Variants in SNX5 observed in about 807,000 individuals in gnomAD.
SNX5 encodes the protein sorting nexin-5.
SNX5 carries 31 observed loss-of-function variants against 53.9 expected under a neutral mutation model. That is an observed-to-expected ratio of 0.58 (90% CI 0.43 to 0.78). The LOEUF is 0.78. SNX5 is among the 30% of genes least tolerant of loss of function. SNX5 has a pLI of 0.00. For synonymous variants in SNX5, 168 were observed against 171.1 expected (o/e 0.98, Z 0.14); for missense variants, 471 against 478.8 (o/e 0.98, Z 0.15).
chr20:17,951,764 C>T (rs2039571783), intron 5 of SNX5, among the ~76,000 whole-genome samples, 169 bp from the exon 6 acceptor site: 1 of 152,110 alleles, frequency 6.6e-6, no homozygotes, highest in South Asian at 2.1e-4. Context: ...ATGGCTAAAC[C>T]CAAACATAGG....
Position 17,947,479 on chromosome 20 carries a change from G to C in SNX5, c.1078+7C>G, listed in dbSNP as rs1174739093. 2.5e-6 allele frequency: 4 copies of C among 1,611,692 alleles called. No homozygotes were observed. In the East Asian group the frequency reaches 8.9e-5, roughly 36 times the overall value. On this transcript the variant is annotated splice_region_variant and intron_variant, in intron 11 of 12. Coordinates refer to ENST00000377759, the MANE Select transcript of SNX5 (RefSeq NM_014426.4). ...TACAGTACAGAAAGAAGAATGTCCT[G>C]CTCAACCTTCTTTTGCAGATTCGGA...
intron 2 of SNX5, 44 bp from the exon 3 acceptor site, chr20:17,955,519 A>G (rs779194571): frequency 8.7e-6 from 12 of 1,379,926 alleles, no homozygotes; most frequent in Admixed American, 5.1e-5. Context: ...CGACTTTTAG[A>G]TAAGTGATCT....
intron 1 of SNX5, chr20:17,961,765 C>G (rs2035454731): frequency 1.0e-6 from 1 of 985,296 alleles, no homozygotes; most frequent in African/African-American, 1.7e-5. Context: ...TTTCATTCCA[C>G]TGCCTAAGAA....
In SNX5 at chr20:17,952,595, C is replaced by A; in HGVS notation, c.505G>T (p.Asp169Tyr). The A allele has an allele frequency of 6.2e-7, 1 of 1,613,700 alleles. No individual in the cohort carries two copies. ...DRNFHVFLEY[D>Y]QDLSVRRKNT... ...GAATAAAAATGCCTTACATCCTGAT[C>A]ATATTCCAGGAAAACATGAAAGTTG... is the stretch of plus-strand genomic sequence containing the variant. Residue 169 changes from aspartate to tyrosine, a missense_variant, in exon 5 of 13, where the codon GAT becomes TAT. Asp to Tyr is a radical substitution (Grantham distance 160). Coordinates refer to ENST00000377759, the MANE Select transcript of SNX5 (RefSeq NM_014426.4).
chr20:17,961,695 TAC>T lies in SNX5; in HGVS notation c.52-4660_52-4659del, dbSNP rs529514088. 1.2e-4 allele frequency: 121 copies of T among 985,124 alleles called. No homozygotes were observed. In the African/African-American group the frequency reaches 1.7e-3, roughly 14 times the overall value. 61.0% of individuals were successfully genotyped at this position (985,124 alleles called of 1,614,324 possible). ...AGATATGTACTTAAGCAGCACATGC[TAC>T]AGTGTCTTCTCTTTCAAACTATCTG... On this transcript the variant is annotated intron_variant, in intron 1 of 12. Coordinates refer to ENST00000377759, the MANE Select transcript of SNX5 (RefSeq NM_014426.4).
chr20:17,950,446 T>C, intron 6 of SNX5, 50 bp from the exon 7 acceptor site: 1 of 1,030,522 alleles, frequency 9.7e-7, no homozygotes, highest in Non-Finnish European at 1.5e-6. Flanking sequence ...ATACTATCCC[T>C]GCAGCCTTTT....
In SNX5 at chr20:17,947,624, T is replaced by C; in HGVS notation, c.940A>G (p.Lys314Glu). The part of the protein sequence containing the change: ...AAKDLLYRRT[K>E]ALIDYENSNK... ...GAGTTCTCATAGTCAATGAGGGCTT[T>C]GGTGCGTCTGTATAAGAGATCCTGG... The change falls in exon 11 of 13, where the codon AAA becomes GAA. Residue 314 changes from lysine to glutamate, a missense_variant. Lys to Glu is a moderately conservative substitution (Grantham distance 56, BLOSUM62 1). Transcript: ENST00000377759. 1 of 1,613,854 alleles carries C rather than the reference T, an allele frequency of 6.2e-7. No homozygotes were observed. The highest frequency in any genetic ancestry group is 8.5e-7 in the Non-Finnish European group (1 of 1,179,882).
In SNX5 at chr20:17,955,253, G is replaced by C. The variant is rs945495840; in HGVS notation, c.267+112C>G. The C allele has an allele frequency of 3.1e-5, 22 of 702,604 alleles. No homozygotes were observed. In the African/African-American group the frequency reaches 3.2e-4, roughly 10 times the overall value. 43.5% of individuals were successfully genotyped at this position (702,604 alleles called of 1,614,324 possible). A position where few individuals can be genotyped will look rare whatever the true frequency, so the allele number is the denominator to read the frequency against. On this transcript the variant is annotated intron_variant, in intron 3 of 12. Transcript: ENST00000377759. ...CAGTCAGCAAATACTCCAGTAGGTA[G>C]ATGAAATCTAACTTTTCACAATCCA...
At chr20:17,950,983 G>A (rs2039559061) in intron 6 of SNX5, 1 of 156,978 alleles carries the variant, frequency 6.4e-6, no homozygotes, top group South Asian at 1.9e-4. Context: ...AGTTACAAAG[G>A]AATGAGAAGG....
chr20:17,950,001 C>T, intron 8 of SNX5, 131 bp downstream of exon 8: 2 of 711,064 alleles, frequency 2.8e-6, no homozygotes, highest in South Asian at 1.9e-5. Context: ...AAGATGAGTG[C>T]TAGAGACTTG....
At chr20:17,950,419 C>T in intron 6 of SNX5, 23 bp from the exon 7 acceptor site, 2 of 1,370,054 alleles carry the variant, frequency 1.5e-6, no homozygotes, top group South Asian at 1.2e-5. Flanking sequence ...AAAAAAGAAC[C>T]AGACATTTCA....
chr20:17,957,504 T>C (rs973087581), intron 1 of SNX5, among the ~76,000 whole-genome samples: 1 of 152,078 alleles, frequency 6.6e-6, no homozygotes, highest in African/African-American at 2.4e-5. Context: ...TCTAAGTTTA[T>C]GTGAAACTGA....
At chr20:17,961,248 T>C (rs1368387942) in intron 1 of SNX5, 12 of 985,320 alleles carry the variant, frequency 1.2e-5, no homozygotes, top group Non-Finnish European at 1.4e-5. Context: ...TTGGTCCAAA[T>C]TTCACTTACG....
intron 1 of SNX5, chr20:17,961,340 A>C (rs1191829714): frequency 4.1e-6 from 4 of 985,338 alleles, no homozygotes; most frequent in Admixed American, 6.1e-5. Flanking sequence ...AACAACACAA[A>C]AGGCAAGATT....
At position 17,949,073 on chromosome 20, in the gene SNX5, T is replaced by C. The variant is rs770297045; in HGVS notation, c.822A>G (p.Glu274=). Residue 274 remains glutamate, a synonymous_variant, in exon 9 of 13, where the codon GAA becomes GAG. Transcript: ENST00000377759. ...KYLLKVAELF[E]KLRKVEGRVS... is the part of the protein sequence containing the mutation. ...ACACAGAAATCCTTACCCTTAGTTT[T>C]TCAAATAGCTCAGCAACCTTCAATA... 36 of 1,613,376 alleles carry C rather than the reference T, an allele frequency of 2.2e-5. No homozygotes were observed. Among genetic ancestry groups the C allele is most frequent in the Non-Finnish European group, 3.1e-5 (36 of 1,179,764 alleles).
intron 1 of SNX5, among the ~76,000 whole-genome samples, chr20:17,964,305 G>T (rs2035503385): frequency 6.6e-6 from 1 of 150,794 alleles, no homozygotes; most frequent in East Asian, 2.0e-4. Flanking sequence ...GTGCCCTTCA[G>T]AAACTGAGCT....
chr20:17,954,770 G>A (rs555165842), intron 3 of SNX5, among the ~76,000 whole-genome samples: 34 of 152,264 alleles, frequency 2.2e-4, no homozygotes, highest in African/African-American at 7.9e-4. Flanking sequence ...GAGTGACGTG[G>A]CACGGCCTCG....
intron 10 of SNX5, 95 bp from the exon 11 acceptor site, chr20:17,947,740 A>C (rs896285392): frequency 2.0e-6 from 2 of 1,021,424 alleles, no homozygotes; most frequent in Non-Finnish European, 2.8e-6. Context: ...GTTAGTGGCA[A>C]TAATCTACCT....
At chr20:17,950,255 TCAG>T (rs1430019714) in intron 7 of SNX5, 33 bp downstream of exon 7, 5 of 1,611,404 alleles carry the variant, frequency 3.1e-6, no homozygotes, top group Non-Finnish European at 4.2e-6. Flanking sequence ...GCCAGGCTCA[TCAG>T]CAAAGCTCTG....
Sources: gnomAD v4.1 joint callset for allele counts (sites outside exome capture counted in the v4.1 genomes callset) on GRCh38, gnomAD v4.1.1 for gene constraint, MANE v1.5 for transcripts, NCBI Gene and HGNC (gene_info 2026-07-23, HGNC 2026-07-21) for gene names.